The following PEX5L variants were observed in gnomAD, a reference collection of about 807,000 sequenced individuals.
PEX5L encodes the protein PEX5-related protein.
Under a neutral mutation model 84.0 loss-of-function variants are expected in PEX5L, and 30 were observed. The ratio of observed to expected loss-of-function variants is 0.36; its 90% CI spans 0.27 to 0.48. PEX5L has a LOEUF of 0.48. Ranked by LOEUF, PEX5L falls within the 20% of genes least tolerant of loss-of-function variation. The pLI, the probability that PEX5L is intolerant of heterozygous loss-of-function variation, is 0.99. For missense variants in PEX5L, 533 were observed against 754.6 expected (o/e 0.71, Z 3.44); for synonymous variants, 270 against 283.1 (o/e 0.95, Z 0.46).
At chr3:179,870,737 C>T (rs1371613224) in intron 7 of PEX5L, among the ~76,000 whole-genome samples, 1 of 152,194 alleles carries the variant, frequency 6.6e-6, no homozygotes, top group African/African-American at 2.4e-5. Context: ...GTGTGACTCT[C>T]CGCATGCTTC....
intron 2 of PEX5L, among the ~76,000 whole-genome samples, chr3:179,938,027 C>T (rs1454698770): frequency 6.6e-6 from 1 of 152,052 alleles, no homozygotes; most frequent in Non-Finnish European, 1.5e-5. Flanking sequence ...ACCGTCACCA[C>T]TACCTTCACC....
rs372497969 is a variant in PEX5L at position 180,036,639 on chromosome 3, T to G, written c.-40A>C. 1.9e-6 allele frequency: 3 copies of G among 1,613,082 alleles called. No individual in the cohort carries two copies. The highest frequency in any genetic ancestry group is 2.5e-6 in the Non-Finnish European group (3 of 1,179,010). On this transcript the variant is annotated 5_prime_UTR_variant, in exon 1 of 15. Transcript: ENST00000467460. ...TTCAGGGCTCCCTGAGGCCACCGGA[T>G]GCTTTTCCCCCGTGCTTACTTGCCC...
Position 179,797,755 on chromosome 3 carries a change from A to ATAAG in PEX5L, c.*4069_*4072dup, listed in dbSNP as rs2108611861. 1 of 152,102 alleles carries ATAAG rather than the reference A, an allele frequency of 6.6e-6. No homozygotes were observed. Among genetic ancestry groups the ATAAG allele is most frequent in the Non-Finnish European group, 1.5e-5 (1 of 67,970 alleles). 9.4% of individuals were successfully genotyped at this position (152,102 alleles called of 1,614,324 possible). On this transcript the variant is annotated 3_prime_UTR_variant, in exon 15 of 15. Coordinates refer to ENST00000467460, the MANE Select transcript of PEX5L (RefSeq NM_016559.3). ...GAAATTATTTTACAAGGTTGAAATC[A>ATAAG]TAAGTGTGCACGTGTAATAATTTCT...
At chr3:179,865,991 A>G (rs1307552570) in intron 7 of PEX5L, among the ~76,000 whole-genome samples, 2 of 152,164 alleles carry the variant, frequency 1.3e-5, no homozygotes, top group Non-Finnish European at 2.9e-5. Flanking sequence ...AGCTATAGCA[A>G]GCTCCTGGAA....
chr3:180,035,439 T>C (rs1791819000), intron 1 of PEX5L, among the ~76,000 whole-genome samples: 1 of 152,206 alleles, frequency 6.6e-6, no homozygotes, highest in Non-Finnish European at 1.5e-5. Context: ...ATGATGTTAG[T>C]CATACGGGAA....
intron 8 of PEX5L, among the ~76,000 whole-genome samples, chr3:179,851,529 G>A (rs913650917): frequency 2.6e-5 from 4 of 152,208 alleles, no homozygotes; most frequent in Admixed American, 6.5e-5. Context: ...CTAGGACAAG[G>A]AATTACTAGT....
At chr3:179,844,836 A>T (rs943830570) in intron 8 of PEX5L, among the ~76,000 whole-genome samples, 4 of 152,180 alleles carry the variant, frequency 2.6e-5, no homozygotes. Context: ...TCTCAAAAAC[A>T]AAACAAAACA....
intron 10 of PEX5L, among the ~76,000 whole-genome samples, chr3:179,813,273 GA>G (rs1724595372): frequency 1.3e-5 from 2 of 151,942 alleles, no homozygotes; most frequent in African/African-American, 4.8e-5. Context: ...TCCTTGTCTG[GA>G]ATTTGTTAGT....
At chr3:179,890,216 G>A (rs1401986632) in intron 3 of PEX5L, among the ~76,000 whole-genome samples, 2 of 152,136 alleles carry the variant, frequency 1.3e-5, no homozygotes, top group Admixed American at 6.6e-5. Context: ...TCCACACTGT[G>A]GCCTTCTCAT....
intron 1 of PEX5L, among the ~76,000 whole-genome samples, chr3:179,982,295 T>C (rs1178421863): frequency 6.6e-6 from 1 of 152,200 alleles, no homozygotes; most frequent in Non-Finnish European, 1.5e-5. Context: ...ACGTGTTACA[T>C]GCAAAATATT....
chr3:180,003,974 A>T (rs1306072107), intron 1 of PEX5L, among the ~76,000 whole-genome samples: 1 of 152,188 alleles, frequency 6.6e-6, no homozygotes, highest in African/African-American at 2.4e-5. Flanking sequence ...ATCTTCATTG[A>T]CTATTTATAC....
intron 2 of PEX5L, among the ~76,000 whole-genome samples, chr3:179,906,285 G>A (rs924775142): frequency 6.6e-6 from 1 of 152,094 alleles, no homozygotes; most frequent in Non-Finnish European, 1.5e-5. Context: ...AATGGTCAAG[G>A]CAATAGCACT....
chr3:180,023,120 C>T (rs1447351942), intron 1 of PEX5L, among the ~76,000 whole-genome samples: 1 of 152,146 alleles, frequency 6.6e-6, no homozygotes. Flanking sequence ...GAGTGAAAAA[C>T]AGAAGACCCA....
chr3:179,938,899 A>G (rs781079884), intron 2 of PEX5L, among the ~76,000 whole-genome samples: 3 of 152,176 alleles, frequency 2.0e-5, no homozygotes, highest in Admixed American at 6.5e-5. Context: ...TCTCTTCTGG[A>G]GTTCAGTGCA....
intron 2 of PEX5L, among the ~76,000 whole-genome samples, chr3:179,907,388 C>T (rs992309127): frequency 5.8e-4 from 88 of 152,262 alleles, no homozygotes; most frequent in African/African-American, 2.0e-3. Flanking sequence ...TCATAGCTCA[C>T]TGTAAACTTG....
intron 1 of PEX5L, among the ~76,000 whole-genome samples, chr3:179,992,755 TA>T (rs1263784258): frequency 2.0e-5 from 3 of 152,148 alleles, no homozygotes; most frequent in Non-Finnish European, 4.4e-5. Context: ...TCAAGATGGT[TA>T]AGAAGCATGT....
chr3:179,903,262 C>T (rs1379682316), intron 2 of PEX5L, among the ~76,000 whole-genome samples: 1 of 151,930 alleles, frequency 6.6e-6, no homozygotes, highest in African/African-American at 2.4e-5. Context: ...GCTCTGTCAC[C>T]CAGGCTGGAG....
intron 2 of PEX5L, among the ~76,000 whole-genome samples, chr3:179,932,689 C>T (rs903735069): frequency 1.3e-5 from 2 of 151,942 alleles, no homozygotes; most frequent in Admixed American, 6.6e-5. Context: ...TTAAAGATAC[C>T]TTTGATGAAG....
intron 5 of PEX5L, among the ~76,000 whole-genome samples, chr3:179,879,028 T>A (rs1753337410): frequency 6.6e-6 from 1 of 152,212 alleles, no homozygotes; most frequent in Non-Finnish European, 1.5e-5. Flanking sequence ...AATAAGTGAT[T>A]TCATATATTC....
Sources: gnomAD v4.1 joint callset for allele counts (sites outside exome capture counted in the v4.1 genomes callset) on GRCh38, gnomAD v4.1.1 for gene constraint, MANE v1.5 for transcripts, NCBI Gene and HGNC (gene_info 2026-07-23, HGNC 2026-07-21) for gene names.